Variants in CEP63 observed in about 807,000 individuals in gnomAD.
CEP63 encodes centrosomal protein of 63 kDa.
CEP63 carries 84 observed loss-of-function variants against 89.1 expected under a neutral mutation model. The ratio of observed to expected loss-of-function variants is 0.94; its 90% CI spans 0.79 to 1.13. The LOEUF is 1.13. Among genes scored for constraint, CEP63 ranks in the 50% most tolerant of loss-of-function variants. CEP63 has a pLI of 0.00. For synonymous variants in CEP63, 267 were observed against 272.5 expected (o/e 0.98, Z 0.20); for missense variants, 838 against 813.3 (o/e 1.03, Z -0.37).
the CEP63 span, among the ~76,000 whole-genome samples, chr3:134,595,537 G>A: frequency 6.6e-6 from 1 of 152,088 alleles, no homozygotes. Context: ...TCAATCCATT[G>A]TCTATGGATC....
At chr3:134,570,201 T>C (rs991724221) in intron 11 of CEP63, among the ~76,000 whole-genome samples, 9 of 152,228 alleles carry the variant, frequency 5.9e-5, no homozygotes, top group Admixed American at 2.6e-4. Context: ...GGGATTAACA[T>C]TCGGCTCCTC....
intron 2 of CEP63, among the ~76,000 whole-genome samples, chr3:134,505,565 A>G (rs1943246262): frequency 6.6e-6 from 1 of 152,106 alleles, no homozygotes; most frequent in South Asian, 2.1e-4. Flanking sequence ...CACTGATAGT[A>G]GCAGGCAGGG....
rs548352976 is a variant in CEP63, at chr3:134,557,500, C to T, written c.1468-642C>T. On this transcript the variant is annotated intron_variant, in intron 12 of 14. Coordinates refer to ENST00000675561, the MANE Select transcript of CEP63 (RefSeq NM_001353108.3). ...AATATTTTGTCATTAGAAAAAAAAT[C>T]ACCCAGACTACCATTTTTTCAAGTA... 6.0e-4 allele frequency among the ~76,000 whole-genome samples: 88 copies of T among 145,502 alleles called. 1 individual carries two copies. In the Middle Eastern group the frequency reaches 0.011, roughly 18 times the overall value.
chr3:134,516,250 T>G (rs1447950433), intron 3 of CEP63, among the ~76,000 whole-genome samples: 3 of 152,224 alleles, frequency 2.0e-5, no homozygotes, highest in Non-Finnish European at 2.9e-5. Flanking sequence ...GCTTTAGATA[T>G]GCATACACAT....
the CEP63 span, among the ~76,000 whole-genome samples, chr3:134,689,595 G>A: frequency 6.6e-6 from 1 of 151,996 alleles, no homozygotes; most frequent in Non-Finnish European, 1.5e-5. Context: ...GGGACTACAG[G>A]AGCCTGCCAC....
At position 134,557,376 on chromosome 3, in the gene CEP63, GTTTTT is replaced by G. The variant is rs199930556; in HGVS notation, c.1468-742_1468-738del. Among the ~76,000 whole-genome samples the G allele has an allele frequency of 1.3e-3, 128 of 101,488 alleles. 2 individuals are homozygous for G. The highest frequency in any genetic ancestry group is 1.8e-3 in the African/African-American group (36 of 20,316). The allele number at this position is 101,488 out of a possible 152,430, so 66.6% of individuals were successfully genotyped here. On this transcript the variant is annotated intron_variant, in intron 12 of 14. Transcript: ENST00000675561. ...CTTGACCAGCTTACTTTCATAATTTGTTTTTTTTTTTTTTTTTTTTTTTTTTTTAC... is the reference window on the plus strand; with the variant it reads ...CTTGACCAGCTTACTTTCATAATTTGTTTTTTTTTTTTTTTTTTTTTTTAC...
chr3:134,627,797 C>G, the CEP63 span: 1 of 1,613,698 alleles, frequency 6.2e-7, no homozygotes, highest in Non-Finnish European at 8.5e-7. Flanking sequence ...TCTTGTGTTT[C>G]CATTTTTATC....
chr3:134,495,349 A>C lies in CEP63; in HGVS notation c.29A>C (p.Asn10Thr). 1 of 1,613,332 alleles carries C rather than the reference A, an allele frequency of 6.2e-7. No individual in the cohort carries two copies. Among genetic ancestry groups the C allele is most frequent in the Non-Finnish European group, 8.5e-7 (1 of 1,179,368 alleles). The change falls in exon 2 of 15, where the codon AAT (asparagine) becomes ACT (threonine). Residue 10 changes from asparagine to threonine, a missense_variant. Physicochemically the swap from Asn to Thr is moderately conservative, Grantham distance 65. Coordinates refer to ENST00000675561, the MANE Select transcript of CEP63 (RefSeq NM_001353108.3). ...GAGGCTTTGTTAGAAGGAATACAAA[A>C]TCGAGGGCATGGTGGGTAAGTTTGC... MEALLEGIQ[N>T]RGHGGGFLTS...
the CEP63 span, among the ~76,000 whole-genome samples, chr3:134,661,643 A>G: frequency 6.6e-6 from 1 of 151,892 alleles, no homozygotes; most frequent in African/African-American, 2.4e-5. Context: ...AATGCTTGGC[A>G]CTCTCCTTTC....
At chr3:134,740,656 G>T in the CEP63 span, among the ~76,000 whole-genome samples, 54 of 152,226 alleles carry the variant, frequency 3.5e-4, no homozygotes, top group Admixed American at 6.5e-4. Context: ...CGTGTGGTCA[G>T]CCTGCTAGCA....
intron 3 of CEP63, among the ~76,000 whole-genome samples, chr3:134,522,436 G>A (rs1221276599): frequency 6.6e-6 from 1 of 152,164 alleles, no homozygotes; most frequent in Non-Finnish European, 1.5e-5. Flanking sequence ...GTGAAGCGTT[G>A]TAGTCAGAAA....
the CEP63 span, among the ~76,000 whole-genome samples, chr3:134,646,661 C>T: frequency 2.6e-5 from 4 of 152,266 alleles, no homozygotes; most frequent in East Asian, 5.8e-4. Flanking sequence ...ATCCTATTTC[C>T]CCATTTGTGT....
At chr3:134,777,773 C>A in the CEP63 span, among the ~76,000 whole-genome samples, 2 of 151,654 alleles carry the variant, frequency 1.3e-5, no homozygotes, top group Non-Finnish European at 2.9e-5. Context: ...GCCACTATGC[C>A]GGGCTATTTT....
chr3:134,633,227 G>T, the CEP63 span, among the ~76,000 whole-genome samples: 1 of 152,048 alleles, frequency 6.6e-6, no homozygotes, highest in East Asian at 1.9e-4. Flanking sequence ...TAAAACAGAA[G>T]AGAAGTGAAT....
the CEP63 span, among the ~76,000 whole-genome samples, chr3:134,625,593 C>T: frequency 0.61 from 92,893 of 152,114 alleles, 29,030 homozygotes; most frequent in East Asian, 0.87. Context: ...GCCACAGCCA[C>T]GGCCCTGGGG....
the CEP63 span, among the ~76,000 whole-genome samples, chr3:134,748,174 G>A: frequency 4.6e-5 from 7 of 152,248 alleles, no homozygotes; most frequent in East Asian, 1.2e-3. Context: ...CCTGCAAGAC[G>A]GAGTCCCATT....
chr3:134,758,040 G>T, the CEP63 span, among the ~76,000 whole-genome samples: 25 of 152,156 alleles, frequency 1.6e-4, no homozygotes, highest in African/African-American at 6.0e-4. Flanking sequence ...AAATCATCAC[G>T]ATGATGTATC....
intron 3 of CEP63, among the ~76,000 whole-genome samples, chr3:134,528,565 T>C (rs1026927039): frequency 3.2e-5 from 4 of 126,868 alleles, no homozygotes; most frequent in South Asian, 2.5e-4. Context: ...TGTGTGTGTG[T>C]GTGCGTGTGT....
the CEP63 span, among the ~76,000 whole-genome samples, chr3:134,686,561 T>G: frequency 2.0e-5 from 3 of 152,140 alleles, no homozygotes; most frequent in Admixed American, 6.5e-5. Flanking sequence ...TTGCTTATTT[T>G]ATCCTGATCC....
Sources: allele counts gnomAD v4.1 joint callset (sites outside exome capture counted in the v4.1 genomes callset), GRCh38; gene constraint gnomAD v4.1.1; transcripts MANE v1.5; gene names NCBI Gene and HGNC (gene_info 2026-07-23, HGNC 2026-07-21).